The following CREB3L4 variants were observed in gnomAD, a reference collection of about 807,000 sequenced individuals.
CREB3L4 encodes cyclic AMP-responsive element-binding protein 3-like protein 4.
CREB3L4 carries 28 observed loss-of-function variants against 37.0 expected under a neutral mutation model. The observed-to-expected ratio is 0.76, with a 90% CI of 0.56 to 1.04. The LOEUF (loss-of-function observed/expected upper bound fraction) is 1.04. Ranked by LOEUF, CREB3L4 falls within the 50% of genes least tolerant of loss-of-function variation. The pLI, the probability that CREB3L4 is intolerant of heterozygous loss-of-function variation, is 0.00. For missense variants in CREB3L4, 462 were observed against 486.0 expected, an observed-to-expected ratio of 0.95 and a Z score of 0.46; for synonymous variants, 175 against 192.2, an observed-to-expected ratio of 0.91 and a Z score of 0.74.
In CREB3L4 at chr1:153,968,925, T is replaced by C. The variant is rs777500049; in HGVS notation, c.175-5T>C. The C allele has an allele frequency of 1.1e-5, 17 of 1,604,294 alleles. No homozygotes were observed. The highest frequency in any genetic ancestry group is 1.3e-5 in the African/African-American group (1 of 74,590). On this transcript the variant is annotated splice_polypyrimidine_tract_variant and splice_region_variant and intron_variant, in intron 2 of 9. Transcript: ENST00000368607. ...GCACATATATATAACCTTTTCCTACTGTAGGGCCTTCAAGAGAGTGAGCCT... is the reference window on the plus strand; with the variant it reads ...GCACATATATATAACCTTTTCCTACCGTAGGGCCTTCAAGAGAGTGAGCCT...
At chr1:153,971,593 T>TA (rs1305483631) in intron 4 of CREB3L4, among the ~76,000 whole-genome samples, 1 of 148,754 alleles carries the variant, frequency 6.7e-6, no homozygotes, top group Non-Finnish European at 1.5e-5. Context: ...TTTTCTTTTT[T>TA]TTTTTTTTTT....
chr1:153,971,089 G>A (rs897660951), intron 4 of CREB3L4, among the ~76,000 whole-genome samples: 3 of 392 alleles, frequency 7.7e-3, no homozygotes, highest in South Asian at 0.083. Context: ...GTCTGATGCC[G>A]GCCGGGCGCG....
At chr1:153,968,327 G>T (rs549500805) in intron 1 of CREB3L4, 163 bp downstream of exon 1, 1 of 551,212 alleles carries the variant, frequency 1.8e-6, no homozygotes, top group South Asian at 2.3e-5. Flanking sequence ...CTTGGGGGGG[G>T]CCTCTTTGTC....
At chr1:153,970,885 C>G (rs1298739324) in intron 4 of CREB3L4, among the ~76,000 whole-genome samples, 1 of 150,124 alleles carries the variant, frequency 6.7e-6, no homozygotes, top group Non-Finnish European at 1.5e-5. Context: ...GCTGGGACAA[C>G]AAGTGTGCGC....
At position 153,968,317 on chromosome 1, in the gene CREB3L4, C is replaced by T. The variant is rs1026948143; in HGVS notation, c.-5+153C>T. 12 of 528,050 alleles carry T rather than the reference C, an allele frequency of 2.3e-5. 1 individual carries two copies. In the South Asian group the frequency reaches 2.6e-4, roughly 11 times the overall value. 32.7% of individuals were successfully genotyped at this position (528,050 alleles called of 1,614,324 possible). ...GCTGGGCTCTTCAGAACAGGTAATG[C>T]TTGGGGGGGGCCTCTTTGTCTAAAC... On this transcript the variant is annotated intron_variant, in intron 1 of 9. Transcript: ENST00000368607.
rs766050808 is a variant in CREB3L4, at chr1:153,973,620, ATTC to A, written c.904_906del (p.Leu302del). 2.2e-4 allele frequency: 350 copies of A among 1,611,402 alleles called. No homozygotes were observed. Among genetic ancestry groups the A allele is most frequent in the Non-Finnish European group, 2.7e-4 (321 of 1,178,644 alleles). ...ATCTGTTCCTCTTGCTTCCTCCCAG[ATTC>A]TTCTTTTTTCCCTGGCTCTCATCAT... is the stretch of plus-strand genomic sequence containing the variant. On this transcript the variant is annotated inframe_deletion and splice_region_variant, in exon 9 of 10. Transcript: ENST00000368607.
chr1:153,969,395 T>C lies in CREB3L4; in HGVS notation c.483T>C (p.Asp161=). Residue 161 remains aspartate, a synonymous_variant, in exon 4 of 10, where the codon GAT becomes GAC. Coordinates refer to ENST00000368607, the MANE Select transcript of CREB3L4 (RefSeq NM_001255978.2). ...DSCMVSELPF[D]AHAHILPRAG... is the part of the protein sequence containing the mutation. ...GCATGGTCAGTGAGCTGCCCTTTGATGCTCATGCCCACATCCTGCCCAGAG... is the reference window on the plus strand; with the variant it reads ...GCATGGTCAGTGAGCTGCCCTTTGACGCTCATGCCCACATCCTGCCCAGAG... The C allele has an allele frequency of 6.2e-7, 1 of 1,614,184 alleles. No individual in the cohort carries two copies. Among genetic ancestry groups the C allele is most frequent in the Non-Finnish European group, 8.5e-7 (1 of 1,180,016 alleles).
Position 153,973,115 on chromosome 1 carries a change from G to T in CREB3L4, c.743+37G>T, listed in dbSNP as rs761284543. On this transcript the variant is annotated intron_variant, in intron 6 of 9. Transcript: ENST00000368607. ...TTATTTCTGGCTTCTTGTGGGCCATGTCTGGGCCCCTTCCTCACCATGGGA... is the reference window on the plus strand; with the variant it reads ...TTATTTCTGGCTTCTTGTGGGCCATTTCTGGGCCCCTTCCTCACCATGGGA... 4.3e-6 allele frequency: 7 copies of T among 1,612,198 alleles called. No individual in the cohort carries two copies. The Admixed American group carries it at 1.0e-4, about 23-fold the overall frequency.
Position 153,968,610 on chromosome 1 carries a change from G to T in CREB3L4, c.85G>T (p.Gly29Ter), listed in dbSNP as rs1234038458. 1 of 1,614,034 alleles carries T rather than the reference G, an allele frequency of 6.2e-7. No individual in the cohort carries two copies. Among genetic ancestry groups the T allele is most frequent in the South Asian group, 1.1e-5 (1 of 91,080 alleles). ...IFSTGSVLEL[G>*]LHCPPPEVPV... Reference sequence around the variant, plus strand: ...CTCGACAGGATCCGTCCTGGAGCTGGGACTCCACTGCCCCCCTCCAGAGGT... The same window carrying T: ...CTCGACAGGATCCGTCCTGGAGCTGTGACTCCACTGCCCCCCTCCAGAGGT... Residue 29 changes from glycine (G) to a stop codon, truncating the protein, a stop_gained, in exon 2 of 10, where the codon GGA becomes TGA. Transcript: ENST00000368607. LOFTEE classifies it high-confidence loss of function.
intron 4 of CREB3L4, among the ~76,000 whole-genome samples, chr1:153,972,384 G>C (rs999569774): frequency 1.3e-5 from 2 of 152,210 alleles, no homozygotes; most frequent in Non-Finnish European, 2.9e-5. Context: ...TCATGTGCTT[G>C]CTGTAAGGAA....
intron 4 of CREB3L4, among the ~76,000 whole-genome samples, chr1:153,971,362 C>T (rs1485546911): frequency 6.6e-6 from 1 of 150,776 alleles, no homozygotes; most frequent in Middle Eastern, 3.2e-3. Flanking sequence ...GGCAAGACTC[C>T]GTCTCAAAAA....
chr1:153,968,296 G>A, intron 1 of CREB3L4, 132 bp downstream of exon 1: 1 of 493,728 alleles, frequency 2.0e-6, no homozygotes, highest in Non-Finnish European at 3.7e-6. Context: ...GACAGGGCTG[G>A]GCTCTTCAGA....
chr1:153,968,315 T>G, intron 1 of CREB3L4, 151 bp downstream of exon 1: 2 of 519,770 alleles, frequency 3.8e-6, no homozygotes, highest in Non-Finnish European at 6.8e-6. Flanking sequence ...GAACAGGTAA[T>G]GCTTGGGGGG....
chr1:153,973,765 A>G, intron 9 of CREB3L4, 49 bp downstream of exon 9: 1 of 1,554,614 alleles, frequency 6.4e-7, no homozygotes, highest in Non-Finnish European at 8.8e-7. Context: ...AGGGAGGGGG[A>G]CTCTGTTCTC....
At position 153,973,386 on chromosome 1, in the gene CREB3L4, G is replaced by C. The variant is rs1310570302; in HGVS notation, c.819G>C (p.Leu273Phe). The change falls in exon 8 of 10, where the codon TTG (leucine) becomes TTC (phenylalanine). Residue 273 changes from leucine (L) to phenylalanine (F), a missense_variant. Physicochemically the swap from Leu to Phe is conservative, Grantham distance 22. Coordinates refer to ENST00000368607, the MANE Select transcript of CREB3L4 (RefSeq NM_001255978.2). Reference sequence around the variant, plus strand: ...TTCATTCCTCCTTTCCCAGCTCCTTGGTAGCTCAGCTCCGCCAGCTGCAGA... The same window carrying C: ...TTCATTCCTCCTTTCCCAGCTCCTTCGTAGCTCAGCTCCGCCAGCTGCAGA... ...VQELERHNIS[L>F]VAQLRQLQTL... 1 of 1,613,926 alleles carries C rather than the reference G, an allele frequency of 6.2e-7. No individual in the cohort carries two copies. The highest frequency in any genetic ancestry group is 8.5e-7 in the Non-Finnish European group (1 of 1,179,994).
intron 4 of CREB3L4, chr1:153,969,827 G>A: frequency 4.2e-6 from 1 of 237,606 alleles, no homozygotes; most frequent in Non-Finnish European, 8.4e-6. Flanking sequence ...CCAGGCTCAG[G>A]CTGGTCTTAA....
chr1:153,970,826 C>A (rs1253600033), intron 4 of CREB3L4, among the ~76,000 whole-genome samples: 1 of 143,304 alleles, frequency 7.0e-6, no homozygotes, highest in African/African-American at 2.6e-5. Context: ...CTCACTGCAA[C>A]CTCTGCCTTC....
rs777742309 is a variant in CREB3L4 at position 153,974,031 on chromosome 1, G to A, written c.1154G>A (p.Arg385His). The change falls in exon 10 of 10, where the codon CGC becomes CAC. Residue 385 changes from arginine to histidine, a missense_variant. Transcript: ENST00000368607. ...KMGGKPRPSGRIRSVLHADEM is the reference protein window; with the variant it reads ...KMGGKPRPSGHIRSVLHADEM ...GGAGGGAAGCCAAGACCCAGTGGGC[G>A]CATCCGGTCCGTGCTGCATGCAGAT... 1.7e-5 allele frequency: 28 copies of A among 1,613,958 alleles called. No homozygotes were observed. The highest frequency in any genetic ancestry group is 1.1e-4 in the African/African-American group (8 of 74,920).
chr1:153,967,657 A>G (rs1382496891), upstream of CREB3L4: 1 of 112,124 alleles, frequency 8.9e-6, no homozygotes, highest in Non-Finnish European at 1.8e-5. Context: ...GTCTCCAAAA[A>G]TAAGAATAAA....
Sources: gnomAD v4.1 joint callset for allele counts (sites outside exome capture counted in the v4.1 genomes callset) on GRCh38, gnomAD v4.1.1 for gene constraint, MANE v1.5 for transcripts, NCBI Gene and HGNC (gene_info 2026-07-23, HGNC 2026-07-21) for gene names.